Variants in ULK4 observed in about 807,000 individuals in gnomAD.
ULK4 encodes unc-51 like kinase 4.
A neutral mutation model predicts 160.6 loss-of-function variants in ULK4; 133 were observed. The observed-to-expected ratio is 0.83, with a 90% confidence interval of 0.72 to 0.96. The LOEUF is 0.96. ULK4 is among the 40% of genes least tolerant of loss of function. The pLI is 0.00. For synonymous variants in ULK4, 534 were observed against 539.8 expected, an observed-to-expected ratio of 0.99 and a Z score of 0.15; for missense variants, 1,580 against 1,499.5, an observed-to-expected ratio of 1.05 and a Z score of -0.89.
At chr3:41,620,525 T>C (rs2033193535) in intron 30 of ULK4, among the ~76,000 whole-genome samples, 1 of 152,196 alleles carries the variant, frequency 6.6e-6, no homozygotes, top group African/African-American at 2.4e-5. Flanking sequence ...CACATGATTA[T>C]CTCAATAGAT....
intron 21 of ULK4, 24 bp from the exon 22 acceptor site, chr3:41,754,512 T>C: frequency 6.2e-7 from 1 of 1,601,140 alleles, no homozygotes; most frequent in Non-Finnish European, 8.5e-7. Flanking sequence ...TTAAACAATT[T>C]TTTGAGAGAA....
chr3:41,480,601 A>G (rs1369795874), intron 32 of ULK4, among the ~76,000 whole-genome samples: 3 of 152,190 alleles, frequency 2.0e-5, no homozygotes, highest in Non-Finnish European at 4.4e-5. Flanking sequence ...TTTCTTAATA[A>G]CATTTTTTTC....
At chr3:41,612,133 C>T (rs2032712515) in intron 31 of ULK4, among the ~76,000 whole-genome samples, 1 of 152,112 alleles carries the variant, frequency 6.6e-6, no homozygotes, top group East Asian at 1.9e-4. Flanking sequence ...TTAAAGTATA[C>T]AGAAGGATGT....
intron 35 of ULK4, among the ~76,000 whole-genome samples, chr3:41,300,870 T>TCC (rs2079780308): frequency 4.4e-5 from 5 of 114,792 alleles, no homozygotes; most frequent in African/African-American, 2.0e-4. Flanking sequence ...TATATATATA[T>TCC]ATATATATAT....
chr3:41,643,811 T>C (rs1447934130), intron 30 of ULK4, among the ~76,000 whole-genome samples: 1 of 152,230 alleles, frequency 6.6e-6, no homozygotes, highest in Non-Finnish European at 1.5e-5. Flanking sequence ...ATATTGATAC[T>C]TCCTACCCAT....
At chr3:41,474,692 T>C (rs575383866) in intron 32 of ULK4, among the ~76,000 whole-genome samples, 10 of 150,340 alleles carry the variant, frequency 6.7e-5, no homozygotes, top group Non-Finnish European at 1.2e-4. Flanking sequence ...ACAAGGAACT[T>C]GAATAGACAT....
chr3:41,642,208 C>CT (rs1559453774), intron 30 of ULK4, among the ~76,000 whole-genome samples: 1 of 151,866 alleles, frequency 6.6e-6, no homozygotes, highest in African/African-American at 2.4e-5. Flanking sequence ...TTTTTTAATA[C>CT]TTTAAGTTTT....
Position 41,911,253 on chromosome 3 carries a change from G to C in ULK4, c.1085+64C>G. 2.0e-6 allele frequency: 3 copies of C among 1,491,848 alleles called. No individual in the cohort carries two copies. In the South Asian group the frequency reaches 3.6e-5, roughly 18 times the overall value. The allele number at this position is 1,491,848 out of a possible 1,614,324, so 92.4% of individuals were successfully genotyped here. A position where few individuals can be genotyped will look rare whatever the true frequency, so the allele number is the denominator to read the frequency against. On this transcript the variant is annotated intron_variant, in intron 11 of 36. Coordinates refer to ENST00000301831, the MANE Select transcript of ULK4 (RefSeq NM_017886.4). ...GTGTAACAAAGTTTGCACCAAGATAGCAGATGCTTTAAGAAAATTTAACTT... is the reference window on the plus strand; with the variant it reads ...GTGTAACAAAGTTTGCACCAAGATACCAGATGCTTTAAGAAAATTTAACTT...
chr3:41,378,840 T>G (rs867797377), intron 35 of ULK4, among the ~76,000 whole-genome samples: 90 of 149,492 alleles, frequency 6.0e-4, no homozygotes, highest in Middle Eastern at 7.0e-3. Context: ...AAAAAGAAAA[T>G]GTGGCACATT....
At chr3:41,669,854 A>T (rs2035477010) in intron 29 of ULK4, among the ~76,000 whole-genome samples, 1 of 152,224 alleles carries the variant, frequency 6.6e-6, no homozygotes, top group Non-Finnish European at 1.5e-5. Context: ...TAACAATACA[A>T]TGTCAAGGAA....
chr3:41,644,587 C>A (rs996321758), intron 30 of ULK4, among the ~76,000 whole-genome samples: 1 of 151,058 alleles, frequency 6.6e-6, no homozygotes, highest in Non-Finnish European at 1.5e-5. Context: ...CTGCTGGATT[C>A]GGTTTGCCAG....
chr3:41,496,954 A>C (rs1287131103), intron 32 of ULK4, among the ~76,000 whole-genome samples: 2 of 152,112 alleles, frequency 1.3e-5, no homozygotes, highest in African/African-American at 4.8e-5. Context: ...AACAAAATTC[A>C]GATTCACAAT....
intron 35 of ULK4, among the ~76,000 whole-genome samples, chr3:41,296,177 T>C (rs1333251065): frequency 6.6e-6 from 1 of 152,206 alleles, no homozygotes; most frequent in Non-Finnish European, 1.5e-5. Flanking sequence ...GTGGGGGATG[T>C]TGATAGTGCG....
At chr3:41,696,830 A>C (rs1436329906) in intron 27 of ULK4, among the ~76,000 whole-genome samples, 2 of 152,222 alleles carry the variant, frequency 1.3e-5, no homozygotes, top group Non-Finnish European at 2.9e-5. Context: ...CAGGATGGTC[A>C]GAGTCAGAGA....
At chr3:41,482,057 A>G (rs1051889017) in intron 32 of ULK4, among the ~76,000 whole-genome samples, 3 of 152,060 alleles carry the variant, frequency 2.0e-5, no homozygotes, top group East Asian at 3.9e-4. Flanking sequence ...TCGCCTATGA[A>G]GTAGCTATTC....
intron 35 of ULK4, among the ~76,000 whole-genome samples, chr3:41,278,524 T>A (rs2079275805): frequency 6.6e-6 from 1 of 152,142 alleles, no homozygotes; most frequent in Non-Finnish European, 1.5e-5. Context: ...GTAGCCTGGC[T>A]GGGAGACACC....
intron 27 of ULK4, 59 bp from the exon 28 acceptor site, chr3:41,681,863 A>T (rs1689013972): frequency 4.4e-6 from 7 of 1,576,016 alleles, no homozygotes; most frequent in Non-Finnish European, 6.1e-6. Context: ...GATATCAACC[A>T]CTATCTATAT....
chr3:41,334,988 A>G (rs1456311646), intron 35 of ULK4, among the ~76,000 whole-genome samples: 3 of 152,226 alleles, frequency 2.0e-5, no homozygotes, highest in Non-Finnish European at 4.4e-5. Context: ...TTAAGGCAGG[A>G]TAAAAGATAT....
Position 41,546,909 on chromosome 3 carries a change from G to A in ULK4, c.3226+19116C>T, listed in dbSNP as rs66888985. The stretch of plus-strand genomic sequence containing the variant: ...TTCTGGCCTCTGCTGATTTTGACAA[G>A]AGGTCAGCTATCATTTGTATTGCTT... On this transcript the variant is annotated intron_variant, in intron 32 of 36. Transcript: ENST00000301831. Among the ~76,000 whole-genome samples the A allele has an allele frequency of 5.3e-5, 8 of 152,062 alleles. No individual in the cohort carries two copies. The East Asian group carries it at 1.6e-3, about 30-fold the overall frequency.
Sources: gnomAD v4.1 joint callset for allele counts (sites outside exome capture counted in the v4.1 genomes callset) on GRCh38, gnomAD v4.1.1 for gene constraint, MANE v1.5 for transcripts, NCBI Gene and HGNC (gene_info 2026-07-23, HGNC 2026-07-21) for gene names.